Variants in TCF4 observed in about 807,000 individuals in gnomAD.
TCF4 encodes SL3-3 enhancer factor 2.
In TCF4, 3 loss-of-function variants were observed where a neutral mutation model predicts 82.1. That is an observed-to-expected ratio of 0.04 (90% confidence interval 0.02 to 0.09). TCF4 has a LOEUF of 0.09. Among genes scored for constraint, TCF4 ranks in the 10% least tolerant of loss-of-function variants. The pLI, the probability that TCF4 is intolerant of heterozygous loss-of-function variation, is 1.00. For synonymous variants in TCF4, 276 were observed against 309.6 expected (o/e 0.89, Z 1.14); for missense variants, 518 against 852.7 (o/e 0.61, Z 4.89).
At chr18:55,588,265 G>T (rs886053962), upstream of TCF4, 1 of 1,435,112 alleles carries the variant, frequency 7.0e-7, no homozygotes, top group African/African-American at 1.4e-5. Context: ...CGGAGGGAAG[G>T]GGGGAGGGGG....
At chr18:55,312,430 C>T (rs538108257) in intron 8 of TCF4, among the ~76,000 whole-genome samples, 2 of 152,202 alleles carry the variant, frequency 1.3e-5, no homozygotes, top group East Asian at 1.9e-4. Context: ...TTTCCTTTTT[C>T]GTCATCTAAA....
intron 15 of TCF4, among the ~76,000 whole-genome samples, chr18:55,241,516 A>G (rs1024950322): frequency 3.3e-5 from 5 of 152,238 alleles, no homozygotes; most frequent in African/African-American, 1.2e-4. Context: ...AAAGGAAAAG[A>G]CAACTGGACA....
At chr18:55,247,389 C>T (rs1267825956) in intron 15 of TCF4, among the ~76,000 whole-genome samples, 1 of 152,160 alleles carries the variant, frequency 6.6e-6, no homozygotes, top group African/African-American at 2.4e-5. Context: ...AATGGGGTTT[C>T]ATGAAGTTTT....
intron 3 of TCF4, among the ~76,000 whole-genome samples, chr18:55,546,321 A>G (rs1380688287): frequency 2.1e-5 from 3 of 145,048 alleles, no homozygotes; most frequent in Non-Finnish European, 4.4e-5. Context: ...CCTGGGCAAC[A>G]GAGAGAGACC....
At chr18:55,277,425 AAC>A (rs1487574628) in intron 9 of TCF4, among the ~76,000 whole-genome samples, 13 of 152,208 alleles carry the variant, frequency 8.5e-5, no homozygotes, top group African/African-American at 2.7e-4. Flanking sequence ...TAGGACTGTT[AAC>A]ACAGAGTACT....
At chr18:55,531,213 CA>C (rs1232996009) in intron 3 of TCF4, among the ~76,000 whole-genome samples, 3 of 152,074 alleles carry the variant, frequency 2.0e-5, no homozygotes, top group Non-Finnish European at 4.4e-5. Context: ...CTCAGCCTCC[CA>C]AACTGCTGGG....
At chr18:55,450,462 G>T (rs2144327420) in intron 5 of TCF4, among the ~76,000 whole-genome samples, 1 of 152,226 alleles carries the variant, frequency 6.6e-6, no homozygotes, top group African/African-American at 2.4e-5. Flanking sequence ...CATATATTTT[G>T]CAATTGTTAG....
intron 15 of TCF4, among the ~76,000 whole-genome samples, chr18:55,244,512 T>G (rs1418540914): frequency 1.3e-5 from 2 of 152,192 alleles, no homozygotes; most frequent in Non-Finnish European, 1.5e-5. Flanking sequence ...TTTCTAGTAG[T>G]ATTGCTAGTG....
intron 10 of TCF4, among the ~76,000 whole-genome samples, chr18:55,272,627 A>T (rs762490471): frequency 6.6e-6 from 1 of 152,126 alleles, no homozygotes; most frequent in East Asian, 1.9e-4. Context: ...CATAAATAAG[A>T]ATAAAATCAT....
intron 8 of TCF4, among the ~76,000 whole-genome samples, chr18:55,300,602 A>G (rs1399405047): frequency 6.6e-6 from 1 of 152,122 alleles, no homozygotes; most frequent in Non-Finnish European, 1.5e-5. Flanking sequence ...CGGTTCTTCC[A>G]GATCTTTCTC....
intron 2 of TCF4, among the ~76,000 whole-genome samples, chr18:55,609,109 C>T (rs1194605289): frequency 6.6e-6 from 1 of 152,176 alleles, no homozygotes; most frequent in Admixed American, 6.5e-5. Flanking sequence ...TCTTACCAGA[C>T]ATCAGATCTG....
chr18:55,528,947 G>A (rs910948132), intron 3 of TCF4, among the ~76,000 whole-genome samples: 4 of 152,174 alleles, frequency 2.6e-5, no homozygotes, highest in Non-Finnish European at 2.9e-5. Flanking sequence ...GGAGGCCAAG[G>A]TGCGTGGGTC....
intron 6 of TCF4, among the ~76,000 whole-genome samples, chr18:55,357,539 T>C (rs1248849416): frequency 6.6e-6 from 1 of 152,180 alleles, no homozygotes; most frequent in African/African-American, 2.4e-5. Context: ...ACTAGGGAAT[T>C]AGCAACACTT....
chr18:55,424,148 A>C (rs1014261444), intron 5 of TCF4, among the ~76,000 whole-genome samples: 1 of 152,198 alleles, frequency 6.6e-6, no homozygotes, highest in African/African-American at 2.4e-5. Context: ...GTGAGGAAAA[A>C]AGATGTGTGT....
chr18:55,464,591 AAGACACC>A (rs2095965194), intron 3 of TCF4, among the ~76,000 whole-genome samples: 1 of 152,234 alleles, frequency 6.6e-6, no homozygotes, highest in Admixed American at 6.5e-5. Context: ...CTTATCACAG[AAGACACC>A]AGACATGCAA....
rs193288763 is a variant in TCF4, at chr18:55,228,465, A to G, written c.1880-104T>C. Reference sequence around the variant, plus strand: ...GTCTGACCTTTTTCTCAGTGTTTATATTACAGAACAAAAGGAACAGTTACT... The same window carrying G: ...GTCTGACCTTTTTCTCAGTGTTTATGTTACAGAACAAAAGGAACAGTTACT... On this transcript the variant is annotated intron_variant, in intron 18 of 19. Coordinates refer to ENST00000354452, the MANE Select transcript of TCF4 (RefSeq NM_001083962.2). 4.7e-4 allele frequency: 694 copies of G among 1,490,110 alleles called. 4 individuals are homozygous for G. In the African/African-American group the frequency reaches 7.9e-3, roughly 17 times the overall value. The allele number at this position is 1,490,110 out of a possible 1,614,324, so 92.3% of individuals were successfully genotyped here.
chr18:55,491,341 T>A (rs972355013), intron 3 of TCF4, among the ~76,000 whole-genome samples: 2 of 151,924 alleles, frequency 1.3e-5, no homozygotes, highest in African/African-American at 4.8e-5. Context: ...TAAACAGGGG[T>A]GCAAAGGATA....
chr18:55,571,613 G>T (rs1205788503), intron 3 of TCF4, among the ~76,000 whole-genome samples: 1 of 152,098 alleles, frequency 6.6e-6, no homozygotes, highest in Non-Finnish European at 1.5e-5. Context: ...TCTAATATTT[G>T]CTTGGGGTTA....
chr18:55,244,179 CTT>C (rs1457569162), intron 15 of TCF4, among the ~76,000 whole-genome samples: 1 of 152,162 alleles, frequency 6.6e-6, no homozygotes, highest in Admixed American at 6.5e-5. Context: ...GTGCACTGGC[CTT>C]TAGTGGTTCC....
Sources: gnomAD v4.1 joint callset for allele counts (sites outside exome capture counted in the v4.1 genomes callset) on GRCh38, gnomAD v4.1.1 for gene constraint, MANE v1.5 for transcripts, NCBI Gene and HGNC (gene_info 2026-07-23, HGNC 2026-07-21) for gene names.